PRSS35: variants seen among roughly 807,000 people sequenced by gnomAD.
PRSS35 encodes serine protease 35.
In PRSS35, 7 loss-of-function variants were observed where a neutral mutation model predicts 8.1. That is an observed-to-expected ratio of 0.86 (90% CI 0.49 to 1.62). The LOEUF is 1.62. Ranked by LOEUF, PRSS35 falls within the 40% of genes most tolerant of loss-of-function variation. The pLI is 0.00. For missense variants in PRSS35, 566 were observed against 518.0 expected, an observed-to-expected ratio of 1.09 and a Z score of -0.90; for synonymous variants, 199 against 188.7, an observed-to-expected ratio of 1.05 and a Z score of -0.45.
chr6:83,517,603 G>T (rs1490324936), intron 1 of PRSS35, among the ~76,000 whole-genome samples: 1 of 152,206 alleles, frequency 6.6e-6, no homozygotes, highest in African/African-American at 2.4e-5. Context: ...TCTCTCTGCA[G>T]TTATTCAGAA....
intron 1 of PRSS35, among the ~76,000 whole-genome samples, chr6:83,520,338 G>T (rs1771797834): frequency 6.6e-6 from 1 of 152,146 alleles, no homozygotes; most frequent in African/African-American, 2.4e-5. Flanking sequence ...AAAGTCATCT[G>T]GAGGGCCGGT....
intron 1 of PRSS35, among the ~76,000 whole-genome samples, chr6:83,515,899 T>C (rs1006930242): frequency 1.3e-5 from 2 of 152,012 alleles, no homozygotes; most frequent in Non-Finnish European, 2.9e-5. Flanking sequence ...CACTGCAACC[T>C]CTGCCTCCCG....
intron 1 of PRSS35, among the ~76,000 whole-genome samples, chr6:83,520,053 A>G (rs944446232): frequency 4.4e-5 from 5 of 114,658 alleles, no homozygotes; most frequent in African/African-American, 1.3e-4. Context: ...TTGGTGACAG[A>G]GCCAGACTGA....
Position 83,523,988 on chromosome 6 carries a change from A to G in PRSS35, c.547A>G (p.Lys183Glu). The G allele has an allele frequency of 1.2e-6, 2 of 1,614,152 alleles. No homozygotes were observed. The highest frequency in any genetic ancestry group is 1.7e-6 in the Non-Finnish European group (2 of 1,180,034). The change falls in exon 2 of 2, where the codon AAG becomes GAG. Residue 183 changes from lysine (K) to glutamate (E), a missense_variant. Transcript: ENST00000369700. ...AAAGGACTATGTCAAAGGGAGTAAAAAGCTAAGGGTAGGGTTGTTGAAGAT... is the reference window on the plus strand; with the variant it reads ...AAAGGACTATGTCAAAGGGAGTAAAGAGCTAAGGGTAGGGTTGTTGAAGAT... ...DGKDYVKGSK[K>E]LRVGLLKMRN... is the part of the protein sequence containing the mutation.
chr6:83,525,183 CA>C lies in PRSS35; in HGVS notation c.*502del, dbSNP rs1771916031. The C allele has an allele frequency of 6.0e-6, 1 of 167,798 alleles. No homozygotes were observed. The highest frequency in any genetic ancestry group is 1.5e-5 in the Non-Finnish European group (1 of 68,802). The allele number at this position is 167,798 out of a possible 1,614,324, so 10.4% of individuals were successfully genotyped here. A position where few individuals can be genotyped will look rare whatever the true frequency, so the allele number is the denominator to read the frequency against. On this transcript the variant is annotated 3_prime_UTR_variant, in exon 2 of 2. Transcript: ENST00000369700. ...GATGGATCCATTCAGCTCATGCCCT[CA>C]ATGTTTATATTGTGTTATCTGTTGG...
intron 1 of PRSS35, among the ~76,000 whole-genome samples, chr6:83,519,485 CTG>C (rs1771782857): frequency 6.7e-6 from 1 of 150,150 alleles, no homozygotes; most frequent in African/African-American, 2.4e-5. Flanking sequence ...TCAACTGGGA[CTG>C]TGTCTTTTTA....
intron 1 of PRSS35, among the ~76,000 whole-genome samples, chr6:83,520,065 T>C (rs1232700842): frequency 6.6e-6 from 1 of 152,098 alleles, no homozygotes; most frequent in African/African-American, 2.4e-5. Flanking sequence ...CCAGACTGAC[T>C]CTCAAAAAAT....
chr6:83,516,966 G>T (rs1771735066), intron 1 of PRSS35, among the ~76,000 whole-genome samples: 1 of 152,118 alleles, frequency 6.6e-6, no homozygotes, highest in South Asian at 2.1e-4. Flanking sequence ...ACAGGTCCTG[G>T]GGATGAGGAT....
At position 83,523,637 on chromosome 6, in the gene PRSS35, T is replaced by C. The variant is rs1163330471; in HGVS notation, c.196T>C (p.Cys66Arg). The change falls in exon 2 of 2, where the codon TGC becomes CGC. Residue 66 changes from cysteine to arginine, a missense_variant. Transcript: ENST00000369700. Reference sequence around the variant, plus strand: ...GGTAAATACAGTGTGTGGCATCGAATGCCAGAAAGAACTCCCAACTCCCAG... The same window carrying C: ...GGTAAATACAGTGTGTGGCATCGAACGCCAGAAAGAACTCCCAACTCCCAG... Reference protein sequence around the residue: ...MMVNTVCGIECQKELPTPSLS... With the variant: ...MMVNTVCGIERQKELPTPSLS... 1 of 1,614,160 alleles carries C rather than the reference T, an allele frequency of 6.2e-7. No homozygotes were observed. The highest frequency in any genetic ancestry group is 8.5e-7 in the Non-Finnish European group (1 of 1,180,020).
Position 83,523,867 on chromosome 6 carries a change from C to G in PRSS35, c.426C>G (p.Phe142Leu), listed in dbSNP as rs753415172. ...TGGACAAAAGGTTCTTAACCAATTT[C>G]CCTTTCAGCACAGCTGTGAAGCTTT... Reference protein sequence around the residue: ...SILDKRFLTNFPFSTAVKLST... With the variant: ...SILDKRFLTNLPFSTAVKLST... The change falls in exon 2 of 2, where the codon TTC becomes TTG. Residue 142 changes from phenylalanine to leucine, a missense_variant. Physicochemically the swap from Phe to Leu is conservative, Grantham distance 22. Transcript: ENST00000369700. 6.2e-7 allele frequency: 1 copy of G among 1,614,086 alleles called. No individual in the cohort carries two copies. Among genetic ancestry groups the G allele is most frequent in the African/African-American group, 1.3e-5 (1 of 74,932 alleles).
In PRSS35 at chr6:83,524,565, G is replaced by A. The variant is rs753685998; in HGVS notation, c.1124G>A (p.Trp375Ter). ...KIIAVYSGHQ[W>*]VDVHGVQKDY... The stretch of plus-strand genomic sequence containing the variant: ...ATTGCGGTCTACTCAGGGCACCAGT[G>A]GGTGGATGTCCACGGGGTTCAGAAG... Residue 375 changes from tryptophan to a stop codon, truncating the protein, a stop_gained, in exon 2 of 2, where the codon TGG becomes TAG. Transcript: ENST00000369700. LOFTEE classifies it high-confidence loss of function. 5 of 1,614,136 alleles carry A rather than the reference G, an allele frequency of 3.1e-6. No homozygotes were observed. In the South Asian group the frequency reaches 5.5e-5, roughly 18 times the overall value.
rs1289228843 is a variant in PRSS35 at position 83,523,761 on chromosome 6, C to T, written c.320C>T (p.Pro107Leu). ...AAAGTTCAAGATTTGGTTCTTGAGC[C>T]GACTCAAAATATCACCACAAAGGGA... is the stretch of plus-strand genomic sequence containing the variant. ...RVKVQDLVLE[P>L]TQNITTKGVS... Residue 107 changes from proline (P) to leucine (L), a missense_variant, in exon 2 of 2, where the codon CCG (proline) becomes CTG (leucine). Transcript: ENST00000369700. The T allele has an allele frequency of 4.3e-6, 7 of 1,614,030 alleles. No homozygotes were observed. The highest frequency in any genetic ancestry group is 5.9e-6 in the Non-Finnish European group (7 of 1,180,010).
In PRSS35 at chr6:83,525,504, C is replaced by T. The variant is rs1771923511; in HGVS notation, c.*821C>T. On this transcript the variant is annotated 3_prime_UTR_variant, in exon 2 of 2. Coordinates refer to ENST00000369700, the MANE Select transcript of PRSS35 (RefSeq NM_153362.3). ...ATGAATGATCATGTGTTGAAAGCCA[C>T]ATTATTTTATGCTATACATTCTATG... 6.0e-6 allele frequency: 1 copy of T among 167,030 alleles called. No homozygotes were observed. The allele number at this position is 167,030 out of a possible 1,614,324, so 10.3% of individuals were successfully genotyped here.
intron 1 of PRSS35, among the ~76,000 whole-genome samples, chr6:83,518,397 G>C (rs917636109): frequency 1.3e-5 from 2 of 152,148 alleles, no homozygotes; most frequent in Non-Finnish European, 2.9e-5. Flanking sequence ...GTCTGATGCA[G>C]TTCCAAAATT....
rs1338805284 is a variant in PRSS35, at chr6:83,523,748, T to A, written c.307T>A (p.Leu103Met). The change falls in exon 2 of 2, where the codon TTG becomes ATG. Residue 103 changes from leucine (L) to methionine (M), a missense_variant. Transcript: ENST00000369700. Reference protein sequence around the residue: ...RTLTRVKVQDLVLEPTQNITT... With the variant: ...RTLTRVKVQDMVLEPTQNITT... ...CTTAACCAGGGTGAAAGTTCAAGAT[T>A]TGGTTCTTGAGCCGACTCAAAATAT... 2 of 1,614,042 alleles carry A rather than the reference T, an allele frequency of 1.2e-6. No homozygotes were observed. The highest frequency in any genetic ancestry group is 1.7e-6 in the Non-Finnish European group (2 of 1,180,040).
chr6:83,522,358 G>A (rs755002172), intron 1 of PRSS35, among the ~76,000 whole-genome samples: 1 of 152,068 alleles, frequency 6.6e-6, no homozygotes, highest in Non-Finnish European at 1.5e-5. Context: ...ATACATATCA[G>A]TTCCACTAAA....
intron 1 of PRSS35, among the ~76,000 whole-genome samples, chr6:83,522,043 T>C (rs1157381804): frequency 6.6e-6 from 1 of 152,172 alleles, no homozygotes; most frequent in Non-Finnish European, 1.5e-5. Flanking sequence ...GCACACATCC[T>C]GTGGGTGTAC....
chr6:83,513,403 C>T (rs981531744), intron 1 of PRSS35, among the ~76,000 whole-genome samples: 1 of 152,148 alleles, frequency 6.6e-6, no homozygotes, highest in Non-Finnish European at 1.5e-5. Context: ...TTACACTGTC[C>T]TTGATTTGAA....
chr6:83,521,769 T>A (rs543823241), intron 1 of PRSS35, among the ~76,000 whole-genome samples: 2 of 152,132 alleles, frequency 1.3e-5, no homozygotes, highest in Non-Finnish European at 2.9e-5. Context: ...CCCAAAGTGC[T>A]GGGATTACAG....
Sources: gnomAD v4.1 joint callset for allele counts (sites outside exome capture counted in the v4.1 genomes callset) on GRCh38, gnomAD v4.1.1 for gene constraint, MANE v1.5 for transcripts, NCBI Gene and HGNC (gene_info 2026-07-23, HGNC 2026-07-21) for gene names.